Variants in SART3 observed in about 807,000 individuals in gnomAD.
The protein encoded by SART3 is HIV-1 Tat-interacting protein of 110kDa.
A neutral mutation model predicts 122.3 loss-of-function variants in SART3; 44 were observed. That is an observed-to-expected ratio of 0.36 (90% CI 0.28 to 0.46). The LOEUF (loss-of-function observed/expected upper bound fraction) is 0.46. SART3 is among the 20% of genes least tolerant of loss of function. SART3 has a pLI of 1.00. For missense variants in SART3, 1,101 were observed against 1,229.0 expected, an observed-to-expected ratio of 0.90 and a Z score of 1.56; for synonymous variants, 442 against 454.0, an observed-to-expected ratio of 0.97 and a Z score of 0.34.
chr12:108,553,841 T>C (rs1334077903), intron 1 of SART3, among the ~76,000 whole-genome samples: 1 of 152,232 alleles, frequency 6.6e-6, no homozygotes, highest in African/African-American at 2.4e-5. Flanking sequence ...CTTTCTCTAC[T>C]AATTATAATA....
rs1872224455 is a variant in SART3 at position 108,523,494 on chromosome 12, G to A, written c.2855C>T (p.Ser952Phe). 2 of 1,613,122 alleles carry A rather than the reference G, an allele frequency of 1.2e-6. No homozygotes were observed. The highest frequency in any genetic ancestry group is 1.7e-6 in the Non-Finnish European group (2 of 1,180,022). ...AAACAGCTTGGCAAAATCGGCATTG[G>A]ACATCTTGGGTGCCTCGGTGGCTGC... ...APAATEAPKM[S>F]NADFAKLFLR... The change falls in exon 19 of 19, where the codon TCC becomes TTC. Residue 952 changes from serine (S) to phenylalanine (F), a missense_variant. By Grantham distance (155) the Ser-to-Phe change is radical (BLOSUM62 -2). Transcript: ENST00000546815.
At position 108,544,450 on chromosome 12, in the gene SART3, C is replaced by T; in HGVS notation, c.758G>A (p.Arg253Gln). 1 of 1,614,132 alleles carries T rather than the reference C, an allele frequency of 6.2e-7. No homozygotes were observed. The highest frequency in any genetic ancestry group is 1.1e-5 in the South Asian group (1 of 91,074). Residue 253 changes from arginine to glutamine, a missense_variant, in exon 5 of 19, where the codon CGA becomes CAA. Physicochemically the swap from Arg to Gln is conservative, Grantham distance 43. Coordinates refer to ENST00000546815, the MANE Select transcript of SART3 (RefSeq NM_014706.4). ...ACCATAGAGTGGGATCGCCAACTGT[C>T]GCCGGAAAAGACTGTGGACTTTCTC... The part of the protein sequence containing the change: ...RLEKVHSLFR[R>Q]QLAIPLYDME...
intron 1 of SART3, among the ~76,000 whole-genome samples, chr12:108,555,969 G>C (rs1331546305): frequency 6.6e-6 from 1 of 152,204 alleles, no homozygotes; most frequent in East Asian, 1.9e-4. Context: ...AAACTGAAGA[G>C]AGAGCCCAAA....
At chr12:108,536,989 GA>G in intron 9 of SART3, 16 of 588,844 alleles carry the variant, frequency 2.7e-5, no homozygotes, top group East Asian at 9.0e-5. Flanking sequence ...ACAGCGTGGT[GA>G]AAAAGGCAAA....
intron 6 of SART3, among the ~76,000 whole-genome samples, chr12:108,540,814 T>C (rs1360638232): frequency 1.3e-5 from 2 of 152,142 alleles, no homozygotes; most frequent in African/African-American, 2.4e-5. Context: ...AGCTAATCTA[T>C]GACAGATGTG....
At chr12:108,556,575 G>A (rs745871390) in intron 1 of SART3, among the ~76,000 whole-genome samples, 3 of 152,184 alleles carry the variant, frequency 2.0e-5, no homozygotes, top group Admixed American at 1.3e-4. Flanking sequence ...ATGATCACAC[G>A]ATAGGCTGAA....
At chr12:108,546,389 T>C (rs1440534024) in intron 3 of SART3, among the ~76,000 whole-genome samples, 1 of 151,780 alleles carries the variant, frequency 6.6e-6, no homozygotes, top group Non-Finnish European at 1.5e-5. Context: ...TTAGTAGAGA[T>C]GGGGTTTCAC....
At chr12:108,531,660 T>C (rs1428337393) in intron 13 of SART3, 4 of 276,184 alleles carry the variant, frequency 1.4e-5, no homozygotes, top group Admixed American at 9.9e-5. Context: ...GAGGGGTCCA[T>C]ACCCAAAATC....
intron 6 of SART3, among the ~76,000 whole-genome samples, chr12:108,542,500 C>T (rs1169181053): frequency 6.6e-6 from 1 of 151,768 alleles, no homozygotes; most frequent in East Asian, 1.9e-4. Context: ...CTGGAAATGA[C>T]CCAACTATCC....
At position 108,523,376 on chromosome 12, in the gene SART3, C is replaced by A; in HGVS notation, c.*81G>T. The A allele has an allele frequency of 1.4e-6, 2 of 1,440,388 alleles. No homozygotes were observed. The highest frequency in any genetic ancestry group is 2.0e-6 in the Non-Finnish European group (2 of 1,023,630). 89.2% of individuals were successfully genotyped at this position (1,440,388 alleles called of 1,614,324 possible). ...GAGCACGCAGCACACCAGGCCTGTC[C>A]ATCCCCAGTGCACTGCTGGGTGGTG... On this transcript the variant is annotated 3_prime_UTR_variant, in exon 19 of 19. Coordinates refer to ENST00000546815, the MANE Select transcript of SART3 (RefSeq NM_014706.4).
intron 1 of SART3, among the ~76,000 whole-genome samples, chr12:108,552,319 G>A (rs929575168): frequency 5.9e-5 from 9 of 152,048 alleles, no homozygotes; most frequent in Non-Finnish European, 1.3e-4. Context: ...AGGCAAGGAT[G>A]TCTGCTCTCA....
chr12:108,538,919 G>A lies in SART3; in HGVS notation c.1062+15C>T, dbSNP rs371097471. ...AATTGGCAAAAATAAAATGAAATTA[G>A]AACAGTGATCTTACTAGGTACTGAC... On this transcript the variant is annotated intron_variant, in intron 7 of 18. Coordinates refer to ENST00000546815, the MANE Select transcript of SART3 (RefSeq NM_014706.4). The A allele has an allele frequency of 6.2e-7, 1 of 1,614,054 alleles. No homozygotes were observed. Among genetic ancestry groups the A allele is most frequent in the South Asian group, 1.1e-5 (1 of 91,068 alleles).
chr12:108,536,799 C>CAAA lies in SART3; in HGVS notation c.1310-17_1310-15dup, dbSNP rs753899235. On this transcript the variant is annotated splice_polypyrimidine_tract_variant and intron_variant, in intron 9 of 18. Coordinates refer to ENST00000546815, the MANE Select transcript of SART3 (RefSeq NM_014706.4). Reference sequence around the variant, plus strand: ...CTTTACTGGAGTCTAACGGAAAGTGCAAAAAAAGGCTTTAGGAAACCACAT... The same window carrying CAAA: ...CTTTACTGGAGTCTAACGGAAAGTGCAAAAAAAAAAGGCTTTAGGAAACCACAT... 1 of 1,612,048 alleles carries CAAA rather than the reference C, an allele frequency of 6.2e-7. No individual in the cohort carries two copies. Among genetic ancestry groups the CAAA allele is most frequent in the Admixed American group, 1.7e-5 (1 of 59,856 alleles).
At chr12:108,544,974 T>G (rs2075357) in intron 4 of SART3, 165 bp downstream of exon 4, 636,159 of 780,088 alleles carry the variant, frequency 0.82, 263,196 homozygotes, top group East Asian at 0.93. Flanking sequence ...AGAAGGGGTA[T>G]AAAAAAAGGT....
chr12:108,543,082 G>C lies in SART3; in HGVS notation c.852C>G (p.Asn284Lys). ...EDPIPESVIQ[N>K]YNKALQQLEK... ...CCAGCTGCTGTAGTGCTTTGTTATA[G>C]TTCTGAATTACTGACTCTGGTATTG... Residue 284 changes from asparagine to lysine, a missense_variant, in exon 6 of 19, where the codon AAC becomes AAG. Coordinates refer to ENST00000546815, the MANE Select transcript of SART3 (RefSeq NM_014706.4). The C allele has an allele frequency of 6.2e-7, 1 of 1,614,214 alleles. No individual in the cohort carries two copies. Among genetic ancestry groups the C allele is most frequent in the South Asian group, 1.1e-5 (1 of 91,086 alleles).
intron 1 of SART3, among the ~76,000 whole-genome samples, chr12:108,555,839 A>G (rs1201083364): frequency 6.6e-6 from 1 of 152,216 alleles, no homozygotes; most frequent in Non-Finnish European, 1.5e-5. Context: ...TAATTCTAAA[A>G]TTTATATGAA....
At position 108,545,151 on chromosome 12, in the gene SART3, C is replaced by T; in HGVS notation, c.717G>A (p.Val239=). 1 of 1,614,076 alleles carries T rather than the reference C, an allele frequency of 6.2e-7. No homozygotes were observed. The highest frequency in any genetic ancestry group is 8.5e-7 in the Non-Finnish European group (1 of 1,180,020). ...EAYREFESAI[V]EAARLEKVHS... ...CACAGGTACTCACCCGAGCAGCTTC[C>T]ACAATCGCACTTTCAAACTCTCGGT... is the stretch of plus-strand genomic sequence containing the variant. The change falls in exon 4 of 19, where the codon GTG becomes GTA. Residue 239 remains valine, a synonymous_variant. Coordinates refer to ENST00000546815, the MANE Select transcript of SART3 (RefSeq NM_014706.4).
chr12:108,539,022 T>G lies in SART3; in HGVS notation c.974A>C (p.Asp325Ala), dbSNP rs1297350690. 6.2e-7 allele frequency: 1 copy of G among 1,614,248 alleles called. No homozygotes were observed. Among genetic ancestry groups the G allele is most frequent in the South Asian group, 1.1e-5 (1 of 91,090 alleles). Residue 325 changes from aspartate (D) to alanine (A), a missense_variant, in exon 7 of 19, where the codon GAT becomes GCT. Transcript: ENST00000546815. The part of the protein sequence containing the change: ...AYIDFEMKIG[D>A]PARIQLIFER... ...AAAGATCAACTGAATGCGAGCAGGA[T>G]CGCCAATTTTCATCTCAAAATCGAT...
At chr12:108,526,660 T>TA in intron 15 of SART3, 107 bp from the exon 16 acceptor site, 1 of 1,206,982 alleles carries the variant, frequency 8.3e-7, no homozygotes, top group South Asian at 1.2e-5. Flanking sequence ...ATGTGACACT[T>TA]ACTCCCTCAC....
Sources: gnomAD v4.1 joint callset for allele counts (sites outside exome capture counted in the v4.1 genomes callset) on GRCh38, gnomAD v4.1.1 for gene constraint, MANE v1.5 for transcripts, NCBI Gene and HGNC (gene_info 2026-07-23, HGNC 2026-07-21) for gene names.